Variants in LYSET observed in about 807,000 individuals in gnomAD.
LYSET encodes the protein lysosomal enzyme trafficking factor.
the LYSET span, chr14:93,186,342 G>A: frequency 1.2e-6 from 2 of 1,614,204 alleles, no homozygotes; most frequent in South Asian, 2.2e-5. Flanking sequence ...CAGTGCAGCA[G>A]CATTTTACTA....
At chr14:93,185,355 T>C in the LYSET span, 4 of 1,584,280 alleles carry the variant, frequency 2.5e-6, no homozygotes, top group South Asian at 4.4e-5. Flanking sequence ...CGCTCACCTT[T>C]CTCCTAGCCG....
chr14:93,185,006 G>A, the LYSET span: 1 of 159,640 alleles, frequency 6.3e-6, no homozygotes, highest in Non-Finnish European at 1.5e-5. Context: ...GGGACGGCGG[G>A]CGGGCTGGCC....
chr14:93,186,106 T>G, the LYSET span, among the ~76,000 whole-genome samples: 1 of 151,944 alleles, frequency 6.6e-6, no homozygotes, highest in East Asian at 1.9e-4. Flanking sequence ...CCTGACCTCG[T>G]GATCCACCCG....
the LYSET span, among the ~76,000 whole-genome samples, chr14:93,187,488 C>T: frequency 6.6e-5 from 10 of 151,882 alleles, no homozygotes; most frequent in Non-Finnish European, 1.5e-5. Flanking sequence ...GCCCTGAGAA[C>T]GTACGCTCCA....
At chr14:93,186,288 C>T in the LYSET span, 1 of 1,613,858 alleles carries the variant, frequency 6.2e-7, no homozygotes, top group Middle Eastern at 1.7e-4. Context: ...GATGAACTTC[C>T]GTCAGCGGAT....
the LYSET span, chr14:93,186,795 A>C: frequency 1.9e-6 from 2 of 1,040,164 alleles, no homozygotes; most frequent in Non-Finnish European, 2.8e-6. Context: ...TTTTAAAAAC[A>C]TGTGATTAGG....
At chr14:93,185,145 C>T in the LYSET span, 3 of 154,300 alleles carry the variant, frequency 1.9e-5, no homozygotes, top group East Asian at 1.9e-4. Flanking sequence ...GCCTGCGCAG[C>T]CTTGGTCGCG....
At chr14:93,186,795 A>G in the LYSET span, 3 of 1,040,164 alleles carry the variant, frequency 2.9e-6, no homozygotes, top group Non-Finnish European at 4.1e-6. Context: ...TTTTAAAAAC[A>G]TGTGATTAGG....
the LYSET span, chr14:93,184,976 C>G: frequency 1.3e-5 from 2 of 157,664 alleles, no homozygotes. This position sits in a 1 kb window ranked among gnomAD's most constrained non-coding sequence, Gnocchi z 4.2. Context: ...GAGCCGGAAG[C>G]TCCGACTGCG....
the LYSET span, among the ~76,000 whole-genome samples, chr14:93,185,991 C>T: frequency 2.7e-4 from 41 of 151,964 alleles, no homozygotes; most frequent in African/African-American, 9.2e-4. Context: ...GCCTCAGCCT[C>T]CCGAGTAGCT....
chr14:93,187,373 C>A, the LYSET span, among the ~76,000 whole-genome samples: 1 of 152,118 alleles, frequency 6.6e-6, no homozygotes, highest in South Asian at 2.1e-4. Flanking sequence ...TTCCTCCTCT[C>A]TCTGGCTCCC....
chr14:93,187,343 C>G, the LYSET span, among the ~76,000 whole-genome samples: 1 of 152,042 alleles, frequency 6.6e-6, no homozygotes, highest in Non-Finnish European at 1.5e-5. Flanking sequence ...AGGCAGGTCT[C>G]GAACTCCTGG....
At chr14:93,187,443 T>G in the LYSET span, among the ~76,000 whole-genome samples, 1 of 151,934 alleles carries the variant, frequency 6.6e-6, no homozygotes, top group African/African-American at 2.4e-5. Context: ...TAAAAAAATT[T>G]TTTTTTTCCA....
At chr14:93,187,573 T>C in the LYSET span, among the ~76,000 whole-genome samples, 2 of 152,280 alleles carry the variant, frequency 1.3e-5, no homozygotes, top group East Asian at 3.9e-4. Context: ...AACTTACAAA[T>C]AGAAGATGGA....
chr14:93,185,217 G>A, the LYSET span: 2 of 345,696 alleles, frequency 5.8e-6, no homozygotes, highest in Admixed American at 5.0e-5. Context: ...CAAGTGGCGG[G>A]GACGCCTCCC....
chr14:93,187,373 C>T, the LYSET span, among the ~76,000 whole-genome samples: 2 of 152,118 alleles, frequency 1.3e-5, no homozygotes, highest in Non-Finnish European at 2.9e-5. Flanking sequence ...TTCCTCCTCT[C>T]TCTGGCTCCC....
chr14:93,187,962 T>C, the LYSET span, among the ~76,000 whole-genome samples: 2 of 151,838 alleles, frequency 1.3e-5, no homozygotes, highest in Non-Finnish European at 2.9e-5. Flanking sequence ...TGTATTTATT[T>C]ATGTTATTTA....
chr14:93,187,905 A>G, the LYSET span, among the ~76,000 whole-genome samples: 2 of 151,950 alleles, frequency 1.3e-5, no homozygotes, highest in Non-Finnish European at 2.9e-5. Flanking sequence ...CACTTGCGTC[A>G]GCCTCCCAAA....
chr14:93,185,213 G>C, the LYSET span: 1 of 328,542 alleles, frequency 3.0e-6, no homozygotes, highest in Non-Finnish European at 5.5e-6. Flanking sequence ...GGCCCAAGTG[G>C]CGGGGACGCC....
Sources: allele counts gnomAD v4.1 joint callset (sites outside exome capture counted in the v4.1 genomes callset), GRCh38; gene constraint gnomAD v4.1.1; non-coding constraint Gnocchi (gnomAD v3.1); transcripts MANE v1.5; gene names NCBI Gene and HGNC (gene_info 2026-07-23, HGNC 2026-07-21).